Variants in PCDHGA1 observed in about 807,000 individuals in gnomAD.
PCDHGA1 encodes the protein protocadherin gamma-A1.
In PCDHGA1, 32 loss-of-function variants were observed where a neutral mutation model predicts 58.0. The observed-to-expected ratio is 0.55, with a 90% CI of 0.42 to 0.74. PCDHGA1 has a LOEUF of 0.74. Ranked by LOEUF, PCDHGA1 falls within the 30% of genes least tolerant of loss-of-function variation. The pLI, the probability that PCDHGA1 is intolerant of heterozygous loss-of-function variation, is 0.00. For synonymous variants in PCDHGA1, 498 were observed against 501.1 expected (o/e 0.99, Z 0.08); for missense variants, 1,205 against 1,182.3 (o/e 1.02, Z -0.28).
At chr5:141,467,055 CTT>C (rs1193465269) in intron 1 of PCDHGA1, among the ~76,000 whole-genome samples, 47 of 134,388 alleles carry the variant, frequency 3.5e-4, no homozygotes, top group Admixed American at 6.0e-4. Context: ...TCAATGTTTT[CTT>C]TTTTTTTTTT....
chr5:141,423,415 G>GA (rs750028507), intron 1 of PCDHGA1: 3 of 1,614,134 alleles, frequency 1.9e-6, no homozygotes, highest in Non-Finnish European at 2.5e-6. Context: ...GCAGGCTTCT[G>GA]AAGGCGGGTT....
intron 1 of PCDHGA1, chr5:141,384,799 G>A: frequency 1.2e-6 from 2 of 1,613,476 alleles, no homozygotes; most frequent in South Asian, 1.1e-5. Context: ...GGCCCTGCTG[G>A]ACAGAGATGC....
chr5:141,427,429 G>A (rs2097025761), intron 1 of PCDHGA1: 1 of 471,078 alleles, frequency 2.1e-6, no homozygotes, highest in African/African-American at 2.0e-5. Flanking sequence ...GAGGTTACAT[G>A]CCTCATAAAC....
rs377060474 is a variant in PCDHGA1, at chr5:141,487,810, C to A, written c.2422-6997C>A. The A allele has an allele frequency of 7.4e-4, 1,055 of 1,417,844 alleles. 13 individuals carry two copies. In the South Asian group the frequency reaches 0.013, roughly 17 times the overall value. The allele number at this position is 1,417,844 out of a possible 1,614,324, so 87.8% of individuals were successfully genotyped here. A position where few individuals can be genotyped will look rare whatever the true frequency, so the allele number is the denominator to read the frequency against. ...ATTAACCAGAGTTGTCACAGTTTAG[C>A]ATTGGGGGCGGGTCATGCCTATATC... On this transcript the variant is annotated intron_variant, in intron 1 of 3. Transcript: ENST00000517417. The surrounding 1 kb of genome is among the most constrained non-coding windows in gnomAD (Gnocchi z 5.0).
chr5:141,357,246 A>G, intron 1 of PCDHGA1: 1 of 1,613,736 alleles, frequency 6.2e-7, no homozygotes, highest in Non-Finnish European at 8.5e-7. Flanking sequence ...AGCCTTCAGC[A>G]GACCCAGACG....
At chr5:141,394,740 G>C in intron 1 of PCDHGA1, 2 of 1,613,404 alleles carry the variant, frequency 1.2e-6, no homozygotes, top group Non-Finnish European at 1.7e-6. Context: ...GCAGAGCCTC[G>C]TGGTGGCCGT....
rs182936964 is a variant in PCDHGA1, at chr5:141,502,069, T to C, written c.2481-3324T>C. 1.1e-3 allele frequency among the ~76,000 whole-genome samples: 175 copies of C among 152,186 alleles called. 1 individual carries two copies. Among genetic ancestry groups the C allele is most frequent in the African/African-American group, 3.9e-3 (162 of 41,524 alleles). ...CCCTACTTTATTCCCATTAGCCCCC[T>C]TCACCTGGGGCTGAGAACACCTGGC... On this transcript the variant is annotated intron_variant, in intron 2 of 3. Coordinates refer to ENST00000517417, the MANE Select transcript of PCDHGA1 (RefSeq NM_018912.3).
rs530963064 is a variant in PCDHGA1, at chr5:141,404,506, C to G, written c.2421+71401C>G. ...ACACTGGTGTGCTGTATGCTCTGTG[C>G]TCCTTTGACTATGAGCAGTTTAGAG... is the stretch of plus-strand genomic sequence containing the variant. On this transcript the variant is annotated intron_variant, in intron 1 of 3. Coordinates refer to ENST00000517417, the MANE Select transcript of PCDHGA1 (RefSeq NM_018912.3). The G allele has an allele frequency of 3.2e-5, 52 of 1,613,814 alleles. No individual in the cohort carries two copies. Among genetic ancestry groups the G allele is most frequent in the Non-Finnish European group, 4.3e-5 (51 of 1,179,838 alleles).
At chr5:141,472,453 T>C (rs2099281194) in intron 1 of PCDHGA1, among the ~76,000 whole-genome samples, 1 of 151,726 alleles carries the variant, frequency 6.6e-6, no homozygotes, top group African/African-American at 2.4e-5. Flanking sequence ...GGCAGGAGAA[T>C]CGCTTGAACC....
chr5:141,361,613 C>A (rs1161415348), intron 1 of PCDHGA1: 3 of 1,613,842 alleles, frequency 1.9e-6, no homozygotes, highest in Non-Finnish European at 2.5e-6. Context: ...TCCATCGTAG[C>A]GAGCGACCTG....
intron 1 of PCDHGA1, chr5:141,372,016 CGCTCAGCGCCAACGTGA>C (rs1768310600): frequency 6.2e-7 from 1 of 1,613,256 alleles, no homozygotes; most frequent in Non-Finnish European, 8.5e-7. Flanking sequence ...GGCTCGCCTA[CGCTCAGCGCCAACGTGA>C]GCCTGCGCGT....
intron 1 of PCDHGA1, chr5:141,351,146 GA>G: frequency 6.2e-7 from 1 of 1,613,958 alleles, no homozygotes; most frequent in Non-Finnish European, 8.5e-7. Flanking sequence ...AAATACTGGC[GA>G]CATCACAACC....
At chr5:141,409,876 C>G in intron 1 of PCDHGA1, 1 of 1,612,874 alleles carries the variant, frequency 6.2e-7, no homozygotes, top group East Asian at 2.2e-5. Flanking sequence ...GCAATGACAA[C>G]GCACCGCGGG....
rs201241764 is a variant in PCDHGA1 at position 141,339,116 on chromosome 5, G to A, written c.2421+6011G>A. On this transcript the variant is annotated intron_variant, in intron 1 of 3. Transcript: ENST00000517417. ...CAGAGGCTCCTTCGTAGGCAACATC[G>A]CCAAGGACTTGGGTTTGGAGCCCCT... 2.2e-5 allele frequency: 36 copies of A among 1,614,224 alleles called. No homozygotes were observed. The East Asian group carries it at 7.4e-4, about 33-fold the overall frequency.
chr5:141,350,561 C>G (rs1208651808), intron 1 of PCDHGA1: 1 of 1,614,010 alleles, frequency 6.2e-7, no homozygotes. Flanking sequence ...TGAGTGTGCA[C>G]TAGAATTCGA....
At chr5:141,452,751 A>C (rs1592230802) in intron 1 of PCDHGA1, among the ~76,000 whole-genome samples, 1 of 152,094 alleles carries the variant, frequency 6.6e-6, no homozygotes, top group South Asian at 2.1e-4. Context: ...AGAAGGAAGA[A>C]GGAAGGGAGG....
At chr5:141,507,786 GTCTAAGCC>G (rs1279265471) in intron 3 of PCDHGA1, among the ~76,000 whole-genome samples, 1 of 152,174 alleles carries the variant, frequency 6.6e-6, no homozygotes, top group Admixed American at 6.5e-5. Flanking sequence ...CCTGACCCTC[GTCTAAGCC>G]TGCGCCCTGG....
intron 1 of PCDHGA1, among the ~76,000 whole-genome samples, chr5:141,463,073 C>G (rs911706393): frequency 6.6e-6 from 1 of 152,110 alleles, no homozygotes; most frequent in African/African-American, 2.4e-5. Flanking sequence ...AAATGAAATT[C>G]AAACATTTTC....
chr5:141,400,314 CAA>C (rs1443669567), intron 1 of PCDHGA1: 1 of 1,613,960 alleles, frequency 6.2e-7, no homozygotes, highest in Non-Finnish European at 8.5e-7. Context: ...GTCTCTGTGT[CAA>C]GTCTGGACCT....
Sources: gnomAD v4.1 joint callset for allele counts (sites outside exome capture counted in the v4.1 genomes callset) on GRCh38, gnomAD v4.1.1 for gene constraint, Gnocchi (gnomAD v3.1) non-coding constraint, MANE v1.5 for transcripts, NCBI Gene and HGNC (gene_info 2026-07-23, HGNC 2026-07-21) for gene names.